Variants in PRKCE observed in about 807,000 individuals in gnomAD.
PRKCE encodes protein kinase C epsilon.
PRKCE carries 16 observed loss-of-function variants against 85.4 expected under a neutral mutation model. The observed-to-expected ratio is 0.19, with a 90% confidence interval of 0.13 to 0.28. PRKCE has a LOEUF of 0.28. Ranked by LOEUF, PRKCE falls within the 10% of genes least tolerant of loss-of-function variation. PRKCE has a pLI of 1.00. For missense variants in PRKCE, 573 were observed against 975.2 expected, an observed-to-expected ratio of 0.59 and a Z score of 5.49; for synonymous variants, 388 against 371.5, an observed-to-expected ratio of 1.04 and a Z score of -0.51.
chr2:45,990,501 C>A (rs1014960111), intron 6 of PRKCE, among the ~76,000 whole-genome samples: 1 of 152,196 alleles, frequency 6.6e-6, no homozygotes, highest in Non-Finnish European at 1.5e-5. Flanking sequence ...ACCTCCCCAT[C>A]CACATCCCCT....
intron 13 of PRKCE, among the ~76,000 whole-genome samples, chr2:46,152,006 G>A (rs1479869468): frequency 6.6e-6 from 1 of 152,146 alleles, no homozygotes; most frequent in African/African-American, 2.4e-5. Flanking sequence ...GACAACCCAG[G>A]GACCATGACT....
rs944454626 is a variant in PRKCE, at chr2:46,155,563, C to G, written c.1921-4043C>G. 1.3e-5 allele frequency among the ~76,000 whole-genome samples: 2 copies of G among 152,190 alleles called. No individual in the cohort carries two copies. Among genetic ancestry groups the G allele is most frequent in the Non-Finnish European group, 2.9e-5 (2 of 68,034 alleles). On this transcript the variant is annotated intron_variant, in intron 13 of 14. Coordinates refer to ENST00000306156, the MANE Select transcript of PRKCE (RefSeq NM_005400.3). This position sits in a 1 kb window ranked among gnomAD's most constrained non-coding sequence, Gnocchi z 4.7. Reference sequence around the variant, plus strand: ...GCCTGTGTTTCCAGTTCCCTACTCACTTTCTCCCTTCAGCTGGCCAGGGGT... The same window carrying G: ...GCCTGTGTTTCCAGTTCCCTACTCAGTTTCTCCCTTCAGCTGGCCAGGGGT...
chr2:46,102,161 C>A (rs4953316), intron 11 of PRKCE, among the ~76,000 whole-genome samples: 40,505 of 151,938 alleles, frequency 0.27, 5,612 homozygotes, highest in South Asian at 0.41. Flanking sequence ...GGGTTTTCCT[C>A]ATTGTAAAGC....
At chr2:46,071,244 G>A (rs1031659773) in intron 10 of PRKCE, among the ~76,000 whole-genome samples, 1 of 152,194 alleles carries the variant, frequency 6.6e-6, no homozygotes, top group African/African-American at 2.4e-5. Flanking sequence ...CAAAGAGATT[G>A]TAGCCTTTTT....
chr2:45,705,505 C>A (rs1234238057), intron 1 of PRKCE, among the ~76,000 whole-genome samples: 1 of 152,218 alleles, frequency 6.6e-6, no homozygotes, highest in Admixed American at 6.5e-5. Flanking sequence ...ATGCTCCAAC[C>A]AGACCAACCC....
At chr2:45,756,404 C>T (rs577818948) in intron 1 of PRKCE, among the ~76,000 whole-genome samples, 15 of 152,116 alleles carry the variant, frequency 9.9e-5, no homozygotes, top group Admixed American at 7.2e-4. Context: ...AAAGTTTGAT[C>T]GTATAGTCTC....
At chr2:46,032,326 C>T (rs556188781) in intron 10 of PRKCE, among the ~76,000 whole-genome samples, 2 of 152,134 alleles carry the variant, frequency 1.3e-5, no homozygotes, top group Admixed American at 6.5e-5. Context: ...CCTTCCTGTT[C>T]CTGACAATGT....
At chr2:46,122,656 A>G (rs1020228971) in intron 11 of PRKCE, among the ~76,000 whole-genome samples, 1 of 152,146 alleles carries the variant, frequency 6.6e-6, no homozygotes. Flanking sequence ...TTTTATGAAG[A>G]ATAATAATTA....
At chr2:46,053,352 G>A (rs138412150) in intron 10 of PRKCE, among the ~76,000 whole-genome samples, 25 of 152,242 alleles carry the variant, frequency 1.6e-4, no homozygotes, top group African/African-American at 6.0e-4. Flanking sequence ...TAAAATATAG[G>A]TAAAATTTAC....
chr2:45,687,134 A>T (rs1202192033), intron 1 of PRKCE, among the ~76,000 whole-genome samples: 2 of 152,118 alleles, frequency 1.3e-5, no homozygotes, highest in African/African-American at 4.8e-5. Flanking sequence ...AGCAGGTTTC[A>T]TGGAGCCCGA....
chr2:45,728,009 A>T (rs1205153596), intron 1 of PRKCE, among the ~76,000 whole-genome samples: 2 of 152,224 alleles, frequency 1.3e-5, no homozygotes, highest in Non-Finnish European at 2.9e-5. Flanking sequence ...TAAAGCCCTT[A>T]CTGGCTTAAA....
chr2:45,994,104 T>C (rs1013218386), intron 6 of PRKCE, among the ~76,000 whole-genome samples: 1 of 152,188 alleles, frequency 6.6e-6, no homozygotes, highest in Non-Finnish European at 1.5e-5. Flanking sequence ...AGGAACAGTT[T>C]TGGTTTTTAA....
intron 5 of PRKCE, among the ~76,000 whole-genome samples, chr2:45,980,974 T>C (rs1702846056): frequency 6.6e-6 from 1 of 152,212 alleles, no homozygotes; most frequent in African/African-American, 2.4e-5. Flanking sequence ...GAGAGTGAAA[T>C]TAACCTGCCC....
intron 1 of PRKCE, among the ~76,000 whole-genome samples, chr2:45,751,807 C>CT (rs1444919980): frequency 8.1e-6 from 1 of 124,210 alleles, no homozygotes; most frequent in African/African-American, 3.5e-5. Flanking sequence ...AAGCTAACCA[C>CT]TATTTTTTTT....
At chr2:46,003,532 C>T (rs894238505) in intron 7 of PRKCE, among the ~76,000 whole-genome samples, 5 of 152,094 alleles carry the variant, frequency 3.3e-5, no homozygotes, top group Non-Finnish European at 7.4e-5. Flanking sequence ...ATAAAAGTGC[C>T]GGACAGAGTC....
chr2:46,022,250 A>C (rs532883720), intron 10 of PRKCE, among the ~76,000 whole-genome samples: 1 of 152,296 alleles, frequency 6.6e-6, no homozygotes, highest in South Asian at 2.1e-4. Flanking sequence ...ATTCATAATA[A>C]AAGATGTGGG....
intron 14 of PRKCE, among the ~76,000 whole-genome samples, chr2:46,181,153 T>G (rs1679938171): frequency 6.6e-6 from 1 of 152,170 alleles, no homozygotes; most frequent in African/African-American, 2.4e-5. Context: ...TTTCAAAGAA[T>G]AAAATCAGCG....
chr2:45,707,972 C>T (rs976178580), intron 1 of PRKCE, among the ~76,000 whole-genome samples: 3 of 152,214 alleles, frequency 2.0e-5, no homozygotes, highest in Non-Finnish European at 4.4e-5. Flanking sequence ...TGCATTCCTG[C>T]TACTTCTCAT....
At chr2:45,768,023 G>A (rs1410677417) in intron 1 of PRKCE, among the ~76,000 whole-genome samples, 2 of 152,198 alleles carry the variant, frequency 1.3e-5, no homozygotes, top group African/African-American at 4.8e-5. Flanking sequence ...CTATTCCTTG[G>A]CATTGGTGCC....
Sources: allele counts gnomAD v4.1 joint callset (sites outside exome capture counted in the v4.1 genomes callset), GRCh38; gene constraint gnomAD v4.1.1; non-coding constraint Gnocchi (gnomAD v3.1); transcripts MANE v1.5; gene names NCBI Gene and HGNC (gene_info 2026-07-23, HGNC 2026-07-21).